ANKRD31: variants seen among roughly 807,000 people sequenced by gnomAD.
ANKRD31 encodes the protein ankyrin repeat domain-containing protein 31.
In ANKRD31, 147 loss-of-function variants were observed where a neutral mutation model predicts 186.0. That is an observed-to-expected ratio of 0.79 (90% CI 0.69 to 0.91). ANKRD31 has a LOEUF of 0.91. Among genes scored for constraint, ANKRD31 ranks in the 40% least tolerant of loss-of-function variants. ANKRD31 has a pLI of 0.00. For synonymous variants in ANKRD31, 673 were observed against 736.4 expected (o/e 0.91, Z 1.39); for missense variants, 1,986 against 2,148.8 (o/e 0.92, Z 1.50).
chr5:75,196,901 C>CT (rs1264731551), intron 6 of ANKRD31, among the ~76,000 whole-genome samples: 1 of 151,312 alleles, frequency 6.6e-6, no homozygotes, highest in South Asian at 2.1e-4. Flanking sequence ...CTTTTCTTTC[C>CT]TTTTTTTTCT....
At chr5:75,117,455 T>C (rs190305038) in intron 18 of ANKRD31, among the ~76,000 whole-genome samples, 2 of 152,244 alleles carry the variant, frequency 1.3e-5, no homozygotes, top group East Asian at 1.9e-4. Flanking sequence ...TATAACACAA[T>C]GAATATCCTT....
At chr5:75,235,494 CT>C (rs1486932505) in intron 1 of ANKRD31, among the ~76,000 whole-genome samples, 1 of 152,056 alleles carries the variant, frequency 6.6e-6, no homozygotes, top group Admixed American at 6.5e-5. Context: ...TTTTTTGGTT[CT>C]TTTTTGTCTT....
intron 17 of ANKRD31, among the ~76,000 whole-genome samples, chr5:75,137,131 G>A (rs1561465406): frequency 6.6e-6 from 1 of 152,076 alleles, no homozygotes; most frequent in Non-Finnish European, 1.5e-5. Context: ...CATGCACGTT[G>A]TGCACATGTA....
chr5:75,232,271 G>T (rs1460730017), intron 1 of ANKRD31, among the ~76,000 whole-genome samples: 2 of 151,962 alleles, frequency 1.3e-5, no homozygotes, highest in African/African-American at 4.8e-5. Flanking sequence ...TTGTTTGTTT[G>T]TTTTTTTCTT....
At chr5:75,118,374 G>T in intron 17 of ANKRD31, 77 bp from the exon 18 acceptor site, 1 of 1,215,792 alleles carries the variant, frequency 8.2e-7, no homozygotes, top group Non-Finnish European at 1.1e-6. Flanking sequence ...AAACACCACT[G>T]CCAAGCATTA....
At chr5:75,179,725 A>G (rs896185346) in intron 10 of ANKRD31, among the ~76,000 whole-genome samples, 3 of 152,196 alleles carry the variant, frequency 2.0e-5, no homozygotes, top group Middle Eastern at 3.2e-3. Flanking sequence ...TATTGATGGG[A>G]CATATCTCAA....
chr5:75,169,095 C>CACT lies in ANKRD31; in HGVS notation c.1588_1590dup (p.Ser530dup). On this transcript the variant is annotated inframe_insertion, in exon 11 of 26. Coordinates refer to ENST00000506364, the MANE Select transcript of ANKRD31 (RefSeq NM_001372053.1). ...CTTGCTGTCCGATAAAATCCTCCTACACTAGCTTCATGAAGTGCTGTCCAA... is the reference window on the plus strand; with the variant it reads ...CTTGCTGTCCGATAAAATCCTCCTACACTACTAGCTTCATGAAGTGCTGTCCAA... The CACT allele has an allele frequency of 6.5e-7, 1 of 1,537,024 alleles. No individual in the cohort carries two copies. Among genetic ancestry groups the CACT allele is most frequent in the Non-Finnish European group, 8.7e-7 (1 of 1,146,584 alleles).
At chr5:75,235,976 C>T (rs1343639054) in intron 1 of ANKRD31, among the ~76,000 whole-genome samples, 1 of 152,156 alleles carries the variant, frequency 6.6e-6, no homozygotes, top group African/African-American at 2.4e-5. Context: ...ATTCTGTGTA[C>T]GATCCAACTT....
intron 25 of ANKRD31, among the ~76,000 whole-genome samples, chr5:75,076,466 G>C (rs1361315509): frequency 6.6e-6 from 1 of 152,148 alleles, no homozygotes; most frequent in Non-Finnish European, 1.5e-5. Flanking sequence ...AGATGCATAG[G>C]ACAAGGAGCA....
intron 25 of ANKRD31, among the ~76,000 whole-genome samples, chr5:75,079,922 G>A (rs1438557940): frequency 6.6e-6 from 1 of 151,830 alleles, no homozygotes; most frequent in Non-Finnish European, 1.5e-5. Context: ...GGGCAACATG[G>A]TGAAACTCCC....
At chr5:75,220,987 C>T (rs902524215) in intron 3 of ANKRD31, among the ~76,000 whole-genome samples, 1 of 152,130 alleles carries the variant, frequency 6.6e-6, no homozygotes, top group African/African-American at 2.4e-5. Flanking sequence ...GAATACTATG[C>T]AGCCATAAAA....
chr5:75,092,681 A>G (rs1746012830), intron 22 of ANKRD31, among the ~76,000 whole-genome samples: 1 of 152,204 alleles, frequency 6.6e-6, no homozygotes, highest in African/African-American at 2.4e-5. Flanking sequence ...TCCAGTTCCA[A>G]CAAAAAGTTA....
intron 19 of ANKRD31, 131 bp from the exon 20 acceptor site, chr5:75,112,731 C>G (rs866774464): frequency 5.7e-6 from 3 of 524,064 alleles, no homozygotes; most frequent in Non-Finnish European, 9.6e-6. Flanking sequence ...TCTTTATGCT[C>G]AAAATGTACT....
intron 10 of ANKRD31, among the ~76,000 whole-genome samples, chr5:75,186,892 A>C (rs1298682799): frequency 1.3e-5 from 2 of 152,038 alleles, no homozygotes; most frequent in African/African-American, 4.8e-5. Context: ...TTCCTACTAG[A>C]GATTATTAAT....
chr5:75,189,747 T>C (rs548607388), intron 9 of ANKRD31, among the ~76,000 whole-genome samples: 1 of 152,336 alleles, frequency 6.6e-6, no homozygotes, highest in East Asian at 1.9e-4. Flanking sequence ...GTATGATTTC[T>C]GTAGATGTCC....
intron 25 of ANKRD31, among the ~76,000 whole-genome samples, chr5:75,073,937 C>T (rs1744430973): frequency 1.3e-5 from 2 of 152,068 alleles, no homozygotes; most frequent in African/African-American, 4.8e-5. Flanking sequence ...TTATATCTTT[C>T]TCAACAGGTT....
In ANKRD31 at chr5:75,112,601, C is replaced by T. The variant is rs1056625695; in HGVS notation, c.4156-1G>A. The T allele has an allele frequency of 2.7e-6, 4 of 1,498,652 alleles. No individual in the cohort carries two copies. Among genetic ancestry groups the T allele is most frequent in the East Asian group, 2.5e-5 (1 of 40,318 alleles). The allele number at this position is 1,498,652 out of a possible 1,614,324, so 92.8% of individuals were successfully genotyped here. On this transcript the variant is annotated splice_acceptor_variant, in intron 19 of 25. Coordinates refer to ENST00000506364, the MANE Select transcript of ANKRD31 (RefSeq NM_001372053.1). LOFTEE classifies it high-confidence loss of function. ...GTAGAATGGCACTGAGGGTCTGATG[C>T]TATCAGATAAAAATATTTGAAACTT...
rs117709437 is a variant in ANKRD31 at position 75,149,267 on chromosome 5, C to A, written c.1853-639G>T. On this transcript the variant is annotated intron_variant, in intron 12 of 25. Coordinates refer to ENST00000506364, the MANE Select transcript of ANKRD31 (RefSeq NM_001372053.1). ...AAAGATAAAAACCTAGGAACAATGG[C>A]TTACACACAGGAAATATTCAAAGAA... Among the ~76,000 whole-genome samples the A allele has an allele frequency of 7.9e-5, 12 of 151,812 alleles. No homozygotes were observed. The East Asian group carries it at 2.3e-3, about 29-fold the overall frequency.
intron 24 of ANKRD31, among the ~76,000 whole-genome samples, chr5:75,082,759 T>C (rs758868944): frequency 4.6e-5 from 7 of 152,236 alleles, no homozygotes; most frequent in Non-Finnish European, 1.0e-4. Flanking sequence ...AAGTACAGCA[T>C]AGATTCAGAG....
Sources: gnomAD v4.1 joint callset for allele counts (sites outside exome capture counted in the v4.1 genomes callset) on GRCh38, gnomAD v4.1.1 for gene constraint, MANE v1.5 for transcripts, NCBI Gene and HGNC (gene_info 2026-07-23, HGNC 2026-07-21) for gene names.